Variants in UBAP2 observed in about 807,000 individuals in gnomAD.
UBAP2 encodes ubiquitin-associated protein 2.
A neutral mutation model predicts 139.6 loss-of-function variants in UBAP2; 75 were observed. That is an observed-to-expected ratio of 0.54 (90% CI 0.45 to 0.65). The LOEUF (loss-of-function observed/expected upper bound fraction) is 0.65, where lower values mean the gene tolerates loss of function less well. Ranked by LOEUF, UBAP2 falls within the 30% of genes least tolerant of loss-of-function variation. UBAP2 has a pLI of 0.00. For missense variants in UBAP2, 1,368 were observed against 1,369.6 expected (o/e 1.00, Z 0.02); for synonymous variants, 526 against 526.2 (o/e 1.00, Z 0.01).
chr9:33,959,376 T>C (rs1826838242), intron 10 of UBAP2, among the ~76,000 whole-genome samples: 1 of 152,264 alleles, frequency 6.6e-6, no homozygotes, highest in African/African-American at 2.4e-5. Flanking sequence ...TGGAAACACA[T>C]ATGGAGACAG....
intron 1 of UBAP2, among the ~76,000 whole-genome samples, chr9:34,031,912 G>A (rs1825925431): frequency 6.6e-6 from 1 of 152,188 alleles, no homozygotes; most frequent in Non-Finnish European, 1.5e-5. Context: ...CAAGGAGGGA[G>A]GACTTCTTGA....
At chr9:33,991,554 G>A (rs1821714361) in intron 4 of UBAP2, among the ~76,000 whole-genome samples, 1 of 152,100 alleles carries the variant, frequency 6.6e-6, no homozygotes, top group African/African-American at 2.4e-5. Flanking sequence ...AGTTCAAATA[G>A]GAGCCTATGT....
At chr9:34,016,192 TAGAAGGAAGAGGAGGAATAGGAGGAAG>T (rs1564063872) in intron 2 of UBAP2, among the ~76,000 whole-genome samples, 1 of 41,934 alleles carries the variant, frequency 2.4e-5, no homozygotes. Context: ...AGAGGAGGAA[TAGAAGGAAGAGGAGGAATAGGAGGAAG>T]AGGAGGAGGA....
chr9:34,017,087 G>A lies in UBAP2; in HGVS notation c.62C>T (p.Ala21Val), dbSNP rs1337493187. The A allele has an allele frequency of 1.2e-6, 2 of 1,611,728 alleles. No homozygotes were observed. The highest frequency in any genetic ancestry group is 1.3e-5 in the African/African-American group (1 of 74,778). ...RGAREKPQIS[A>V]AQSTQPQKQV... ...TTTCTGTGGTTGCGTTGATTGTGCT[G>A]CTGAAATCTGTGGTTTTTCCCGAGC... Residue 21 changes from alanine (A) to valine (V), a missense_variant, in exon 2 of 29, where the codon GCA becomes GTA. Ala to Val is a moderately conservative substitution (Grantham distance 64, BLOSUM62 0). Transcript: ENST00000379238.
intron 2 of UBAP2, among the ~76,000 whole-genome samples, chr9:34,006,076 C>G (rs982505052): frequency 6.6e-6 from 1 of 151,296 alleles, no homozygotes; most frequent in African/African-American, 2.4e-5. Flanking sequence ...ACTAAAAATA[C>G]AAAAAAATTA....
chr9:33,941,887 C>T, intron 15 of UBAP2, 25 bp from the exon 16 acceptor site: 1 of 1,505,484 alleles, frequency 6.6e-7, no homozygotes, highest in Non-Finnish European at 9.2e-7. Context: ...AAATATTCAA[C>T]ATAATTTTGT....
chr9:33,966,336 G>C (rs1366387461), intron 8 of UBAP2, among the ~76,000 whole-genome samples: 1 of 151,568 alleles, frequency 6.6e-6, no homozygotes, highest in Admixed American at 6.6e-5. Context: ...GTGCACACCT[G>C]TAATCCTAGC....
intron 1 of UBAP2, among the ~76,000 whole-genome samples, chr9:34,038,266 C>G (rs1014157411): frequency 2.0e-5 from 3 of 151,926 alleles, no homozygotes; most frequent in Admixed American, 2.0e-4. Flanking sequence ...CTGGCCAACA[C>G]AGTGAAACTC....
chr9:34,024,456 G>C (rs990080177), intron 1 of UBAP2, among the ~76,000 whole-genome samples: 1 of 152,076 alleles, frequency 6.6e-6, no homozygotes, highest in African/African-American at 2.4e-5. Context: ...TCTTCTGTCA[G>C]TTGTGCCTCT....
At position 33,987,382 on chromosome 9, in the gene UBAP2, A is replaced by T. The variant is rs1005216622; in HGVS notation, c.443-545T>A. 2.6e-5 allele frequency among the ~76,000 whole-genome samples: 4 copies of T among 152,204 alleles called. No individual in the cohort carries two copies. The East Asian group carries it at 7.7e-4, about 29-fold the overall frequency. On this transcript the variant is annotated intron_variant, in intron 5 of 28. Transcript: ENST00000379238. ...AGCCGAGATCTCCTCACTGCACTCC[A>T]GCCTGGGAAAGTGAGCAAGACTCTG...
intron 2 of UBAP2, among the ~76,000 whole-genome samples, chr9:34,013,755 C>T (rs1823983129): frequency 6.6e-6 from 1 of 151,298 alleles, no homozygotes; most frequent in Admixed American, 6.6e-5. Flanking sequence ...TACATGCCTG[C>T]AATCCCAGCT....
chr9:34,031,256 T>G (rs968416189), intron 1 of UBAP2, among the ~76,000 whole-genome samples: 1 of 136,252 alleles, frequency 7.3e-6, no homozygotes, highest in African/African-American at 2.8e-5. Context: ...CAGCCTGTGC[T>G]ACAAGAGCAA....
At chr9:33,988,888 T>TA in intron 5 of UBAP2, 85 bp downstream of exon 5, 2 of 1,473,684 alleles carry the variant, frequency 1.4e-6, no homozygotes, top group African/African-American at 2.8e-5. Context: ...CTCATGCCTG[T>TA]AATCCCAAAA....
At position 33,927,813 on chromosome 9, in the gene UBAP2, C is replaced by T. The variant is rs144703983; in HGVS notation, c.2355G>A (p.Ala785=). 4,260 of 1,611,976 alleles carry T rather than the reference C, an allele frequency of 2.6e-3. 8 individuals carry two copies. Among genetic ancestry groups the T allele is most frequent in the Non-Finnish European group, 3.3e-3 (3,946 of 1,179,106 alleles). The stretch of plus-strand genomic sequence containing the variant: ...AGCAAATACCTGAGGTCACCAAGGG[C>T]GCGGCCCTGCTACTGCTGCTGGATG... ...ASASSSSSRA[A]PLVTSGKAPP... The change falls in exon 20 of 29, where the codon GCG becomes GCA. Residue 785 remains alanine (A), a synonymous_variant. Coordinates refer to ENST00000379238, the MANE Select transcript of UBAP2 (RefSeq NM_001370062.2).
intron 6 of UBAP2, among the ~76,000 whole-genome samples, chr9:33,980,721 T>G (rs1352478540): frequency 6.6e-6 from 1 of 151,798 alleles, no homozygotes; most frequent in Admixed American, 6.6e-5. Context: ...TTTGGGAGTT[T>G]GAGGTGGGCG....
intron 1 of UBAP2, among the ~76,000 whole-genome samples, chr9:34,020,150 T>TA (rs1174976366): frequency 0.1 from 12,905 of 126,626 alleles, 749 homozygotes; most frequent in African/African-American, 0.16. Flanking sequence ...ACTCCATTAT[T>TA]AAAAAAAAAA....
At chr9:33,992,454 G>C (rs975785747) in intron 4 of UBAP2, among the ~76,000 whole-genome samples, 16 of 150,188 alleles carry the variant, frequency 1.1e-4, no homozygotes, top group Admixed American at 2.7e-4. Context: ...CAGCTACTCA[G>C]AAGGCTGAGG....
At position 33,927,086 on chromosome 9, in the gene UBAP2, T is replaced by C. The variant is rs772250986; in HGVS notation, c.2372-6A>G. On this transcript the variant is annotated splice_polypyrimidine_tract_variant and splice_region_variant and intron_variant, in intron 20 of 28. Transcript: ENST00000379238. ...TAAGTTTGGGGGTGCTTTGCCTGTATAGAGGGAAAAATCAAATGGAGTGAA... is the reference window on the plus strand; with the variant it reads ...TAAGTTTGGGGGTGCTTTGCCTGTACAGAGGGAAAAATCAAATGGAGTGAA... The C allele has an allele frequency of 1.2e-5, 19 of 1,604,644 alleles. No individual in the cohort carries two copies. The highest frequency in any genetic ancestry group is 5.4e-5 in the African/African-American group (4 of 74,624).
At chr9:33,977,254 G>C (rs1024757038) in intron 6 of UBAP2, among the ~76,000 whole-genome samples, 6 of 151,774 alleles carry the variant, frequency 4.0e-5, no homozygotes, top group African/African-American at 1.5e-4. Context: ...GGCCAGGCTG[G>C]TCTCAAACTC....
Sources: allele counts gnomAD v4.1 joint callset (sites outside exome capture counted in the v4.1 genomes callset), GRCh38; gene constraint gnomAD v4.1.1; transcripts MANE v1.5; gene names NCBI Gene and HGNC (gene_info 2026-07-23, HGNC 2026-07-21).